Variants in TMEM117 observed in about 807,000 individuals in gnomAD.
The protein encoded by TMEM117 is transmembrane protein 117.
Under a neutral mutation model 52.4 loss-of-function variants are expected in TMEM117, and 27 were observed. The ratio of observed to expected loss-of-function variants is 0.51; its 90% CI spans 0.38 to 0.71. TMEM117 has a LOEUF of 0.71. TMEM117 is among the 30% of genes least tolerant of loss of function. TMEM117 has a pLI of 0.00. For missense variants in TMEM117, 556 were observed against 630.5 expected (o/e 0.88, Z 1.26); for synonymous variants, 215 against 206.3 (o/e 1.04, Z -0.36).
downstream of TMEM117, among the ~76,000 whole-genome samples, chr12:44,390,585 A>G (rs547129456): frequency 2.6e-5 from 4 of 152,166 alleles, no homozygotes; most frequent in South Asian, 6.2e-4. Context: ...AAAATAACAA[A>G]CTTAGAACAA....
Position 44,333,665 on chromosome 12 carries a change from C to A in TMEM117, c.768+33926C>A, listed in dbSNP as rs190994818. On this transcript the variant is annotated intron_variant, in intron 6 of 7. Transcript: ENST00000266534. ...GTAAGTTTCCTGAGGCCTCCCCAGC[C>A]CTGTGGAACTGTGAGTCAATTAAAC... Among the ~76,000 whole-genome samples, 964 of 152,126 alleles carry A rather than the reference C, an allele frequency of 6.3e-3. 5 individuals are homozygous for A. Among genetic ancestry groups the A allele is most frequent in the Non-Finnish European group, 0.01 (696 of 67,962 alleles).
rs183723505 is a variant in TMEM117, at chr12:44,132,478, T to C, written c.411-11047T>C. ...ACTGATCCTCCATTGGAGGATCATT[T>C]TTCTCTTTCATTCCTCTTCTCCCTT... On this transcript the variant is annotated intron_variant, in intron 3 of 7. Coordinates refer to ENST00000266534, the MANE Select transcript of TMEM117 (RefSeq NM_032256.3). 1.5e-3 allele frequency among the ~76,000 whole-genome samples: 223 copies of C among 152,138 alleles called. 2 individuals are homozygous for C. Among genetic ancestry groups the C allele is most frequent in the African/African-American group, 5.1e-3 (210 of 41,540 alleles).
At chr12:43,825,002 A>G in the TMEM117 span, among the ~76,000 whole-genome samples, 1 of 152,264 alleles carries the variant, frequency 6.6e-6, no homozygotes, top group Non-Finnish European at 1.5e-5. Context: ...AAATGCCTTC[A>G]GAGGCCAGGC....
chr12:43,938,038 C>A (rs11182339), intron 2 of TMEM117, among the ~76,000 whole-genome samples: 25,084 of 151,646 alleles, frequency 0.17, 3,125 homozygotes, highest in African/African-American at 0.34. Flanking sequence ...TAAAAGAATT[C>A]TCTGTCTGGC....
At chr12:44,147,172 C>A (rs1948654898) in intron 4 of TMEM117, among the ~76,000 whole-genome samples, 1 of 152,078 alleles carries the variant, frequency 6.6e-6, no homozygotes, top group Admixed American at 6.5e-5. Context: ...CGATGTAATC[C>A]ACATTGAGCT....
chr12:43,863,557 C>A (rs535529130), intron 2 of TMEM117, among the ~76,000 whole-genome samples: 1 of 152,300 alleles, frequency 6.6e-6, no homozygotes, highest in South Asian at 2.1e-4. Context: ...GCTGACAAAA[C>A]AGTTGGAAAG....
At position 44,163,140 on chromosome 12, in the gene TMEM117, A is replaced by G. The variant is rs571462682; in HGVS notation, c.510+19516A>G. On this transcript the variant is annotated intron_variant, in intron 4 of 7. Transcript: ENST00000266534. The stretch of plus-strand genomic sequence containing the variant: ...GCTTGCACATTCTTTGGTGGAAGAA[A>G]GAATGGTTTAGCAAATCCATAAGAT... 7.1e-4 allele frequency among the ~76,000 whole-genome samples: 108 copies of G among 152,360 alleles called. 1 individual carries two copies. The highest frequency in any genetic ancestry group is 2.4e-3 in the African/African-American group (100 of 41,590).
At chr12:44,398,374 G>A in the TMEM117 span, among the ~76,000 whole-genome samples, 5 of 152,146 alleles carry the variant, frequency 3.3e-5, no homozygotes, top group African/African-American at 1.2e-4. Context: ...TGTCCAGTTT[G>A]AAGCAGGAAG....
chr12:44,246,764 ACAG>A (rs1251351974), intron 5 of TMEM117, among the ~76,000 whole-genome samples: 1 of 152,222 alleles, frequency 6.6e-6, no homozygotes, highest in Non-Finnish European at 1.5e-5. Context: ...CCAAACAGTA[ACAG>A]TCTCAATGGA....
chr12:43,958,918 T>C (rs1945354029), intron 3 of TMEM117, among the ~76,000 whole-genome samples: 1 of 152,172 alleles, frequency 6.6e-6, no homozygotes, highest in Non-Finnish European at 1.5e-5. Flanking sequence ...GCCATTCTCC[T>C]GCCTCAGCCT....
At chr12:44,064,420 A>G (rs1476622456) in intron 3 of TMEM117, among the ~76,000 whole-genome samples, 1 of 152,210 alleles carries the variant, frequency 6.6e-6, no homozygotes. Context: ...ATTGCAATTT[A>G]GACCAAAATC....
chr12:43,949,667 G>C (rs929659269), intron 3 of TMEM117, among the ~76,000 whole-genome samples: 3 of 152,140 alleles, frequency 2.0e-5, no homozygotes, highest in African/African-American at 7.2e-5. Context: ...TTATTTTGGA[G>C]AGACTGTTTA....
intron 4 of TMEM117, among the ~76,000 whole-genome samples, chr12:44,158,300 T>A (rs904534269): frequency 6.6e-6 from 1 of 152,126 alleles, no homozygotes; most frequent in Non-Finnish European, 1.5e-5. Context: ...AAGAATTCAA[T>A]AGTAAACCCA....
At chr12:43,882,484 T>C (rs1230651175) in intron 2 of TMEM117, among the ~76,000 whole-genome samples, 2 of 148,858 alleles carry the variant, frequency 1.3e-5, no homozygotes, top group African/African-American at 4.9e-5. Context: ...AAAAGAAATA[T>C]TATGTTTATA....
At chr12:44,349,920 A>G (rs1951539192) in intron 6 of TMEM117, among the ~76,000 whole-genome samples, 1 of 152,064 alleles carries the variant, frequency 6.6e-6, no homozygotes, top group African/African-American at 2.4e-5. Flanking sequence ...TGCCACATGC[A>G]AAGTATACCT....
chr12:43,982,644 C>T (rs909601414), intron 3 of TMEM117, among the ~76,000 whole-genome samples: 2 of 152,188 alleles, frequency 1.3e-5, no homozygotes, highest in Non-Finnish European at 2.9e-5. Flanking sequence ...TTCTTTTCCT[C>T]TTAAAAATTA....
At chr12:43,909,749 A>G (rs980657539) in intron 2 of TMEM117, among the ~76,000 whole-genome samples, 1 of 149,732 alleles carries the variant, frequency 6.7e-6, no homozygotes, top group Non-Finnish European at 1.5e-5. Context: ...TCTAGAAGAA[A>G]TGGATAAATT....
Position 43,851,509 on chromosome 12 carries a change from G to A in TMEM117, c.277+6581G>A, listed in dbSNP as rs182509382. The stretch of plus-strand genomic sequence containing the variant: ...TTTAATAATGCATCCTAGCTTTTGG[G>A]GGGATTATACTTTAGACATATCCAT... On this transcript the variant is annotated intron_variant, in intron 2 of 7. Coordinates refer to ENST00000266534, the MANE Select transcript of TMEM117 (RefSeq NM_032256.3). Among the ~76,000 whole-genome samples, 28 of 151,958 alleles carry A rather than the reference G, an allele frequency of 1.8e-4. No homozygotes were observed. The East Asian group carries it at 3.1e-3, about 17-fold the overall frequency.
At chr12:43,997,424 A>G (rs1741785582) in intron 3 of TMEM117, among the ~76,000 whole-genome samples, 1 of 152,152 alleles carries the variant, frequency 6.6e-6, no homozygotes, top group African/African-American at 2.4e-5. Flanking sequence ...TTCTACTTGA[A>G]TATCTCCACT....
Sources: allele counts gnomAD v4.1 joint callset (sites outside exome capture counted in the v4.1 genomes callset), GRCh38; gene constraint gnomAD v4.1.1; transcripts MANE v1.5; gene names NCBI Gene and HGNC (gene_info 2026-07-23, HGNC 2026-07-21).